Variants in NECAB2 observed in about 807,000 individuals in gnomAD.
NECAB2 encodes N-terminal EF-hand calcium-binding protein 2.
A neutral mutation model predicts 51.9 loss-of-function variants in NECAB2; 68 were observed. The observed-to-expected ratio is 1.31, with a 90% confidence interval of 1.08 to 1.60. The LOEUF is 1.60. Among genes scored for constraint, NECAB2 ranks in the 40% most tolerant of loss-of-function variants. The probability of loss-of-function intolerance (pLI) is 0.00; values close to 1 mark genes in which losing one functional copy is unlikely to be tolerated. For synonymous variants in NECAB2, 329 were observed against 203.5 expected (o/e 1.62, Z -5.25); for missense variants, 854 against 490.3 (o/e 1.74, Z -7.00).
At chr16:83,965,188 C>G (rs9938064), upstream of NECAB2, 44 of 1,613,168 alleles carry the variant, frequency 2.7e-5, no homozygotes, top group African/African-American at 5.2e-4. Flanking sequence ...AGTGGGGGAC[C>G]CCCGATCCCA....
At position 83,998,196 on chromosome 16, in the gene NECAB2, GC is replaced by G; in HGVS notation, c.850-6del. ...GGAGCCCCACACTGACTCCTGCTGT[GC>G]CCGGCAGCACCTGCAGCTGGTCCGG... On this transcript the variant is annotated splice_region_variant and splice_polypyrimidine_tract_variant and intron_variant, in intron 9 of 12. Coordinates refer to ENST00000305202, the MANE Select transcript of NECAB2 (RefSeq NM_019065.3). The G allele has an allele frequency of 6.2e-7, 1 of 1,606,532 alleles. No individual in the cohort carries two copies. The highest frequency in any genetic ancestry group is 8.5e-7 in the Non-Finnish European group (1 of 1,179,698).
chr16:83,986,461 C>T (rs972914051), intron 5 of NECAB2, among the ~76,000 whole-genome samples: 1 of 152,142 alleles, frequency 6.6e-6, no homozygotes, highest in Non-Finnish European at 1.5e-5. Context: ...GGTCACTATC[C>T]CAGGGCAACA....
intron 8 of NECAB2, among the ~76,000 whole-genome samples, chr16:83,996,522 A>G (rs2084701415): frequency 6.6e-6 from 1 of 152,046 alleles, no homozygotes; most frequent in African/African-American, 2.4e-5. Context: ...CTCATGGAGG[A>G]TGGACAGAGA....
Position 83,990,765 on chromosome 16 carries a change from C to T in NECAB2, c.596+135C>T. ...GGCAAGTTGCCACAGCTCTTTGTGC[C>T]TTTGGTGCTCCATTATGTAATATAG... On this transcript the variant is annotated intron_variant, in intron 6 of 12. Coordinates refer to ENST00000305202, the MANE Select transcript of NECAB2 (RefSeq NM_019065.3). The T allele has an allele frequency of 5.3e-6, 6 of 1,136,230 alleles. 1 individual carries two copies. In the South Asian group the frequency reaches 8.1e-5, roughly 15 times the overall value. 70.4% of individuals were successfully genotyped at this position (1,136,230 alleles called of 1,614,324 possible). A position where few individuals can be genotyped will look rare whatever the true frequency, so the allele number is the denominator to read the frequency against.
intron 6 of NECAB2, among the ~76,000 whole-genome samples, chr16:83,991,845 G>A (rs1366234783): frequency 3.0e-4 from 44 of 144,894 alleles, no homozygotes; most frequent in African/African-American, 9.5e-4. Flanking sequence ...TTGTAGAGAC[G>A]GGGTCTCGCC....
intron 5 of NECAB2, among the ~76,000 whole-genome samples, chr16:83,988,902 AT>A (rs1172445504): frequency 6.6e-6 from 1 of 152,148 alleles, no homozygotes; most frequent in African/African-American, 2.4e-5. Flanking sequence ...CTGGGGTTGT[AT>A]CTTTACATGG....
chr16:83,981,484 T>TG (rs1196554405), intron 5 of NECAB2, among the ~76,000 whole-genome samples: 4 of 73,570 alleles, frequency 5.4e-5, no homozygotes, highest in Non-Finnish European at 1.1e-4. Flanking sequence ...TGGGGCGTGG[T>TG]GGGGGGTGGT....
chr16:83,966,836 C>A (rs991910243), upstream of NECAB2, among the ~76,000 whole-genome samples: 10 of 152,196 alleles, frequency 6.6e-5, no homozygotes, highest in African/African-American at 2.2e-4. Flanking sequence ...AGCAAATACT[C>A]CTTTCATGGT....
At position 83,990,502 on chromosome 16, in the gene NECAB2, G is replaced by A; in HGVS notation, c.468G>A (p.Glu156=). Residue 156 remains glutamate (E), a synonymous_variant, in exon 6 of 13, where the codon GAG becomes GAA. Transcript: ENST00000305202. ...TTCTCTTCCTTCCACAGGTATATGA[G>A]GGTGGGAGCAACGTGGACCAGTTTG... ...KAMGYTKKVY[E]GGSNVDQFVT... The A allele has an allele frequency of 6.2e-7, 1 of 1,614,098 alleles. No homozygotes were observed. The highest frequency in any genetic ancestry group is 2.2e-5 in the East Asian group (1 of 44,844).
intron 8 of NECAB2, 145 bp from the exon 9 acceptor site, chr16:83,997,071 A>G (rs970608067): frequency 7.4e-6 from 6 of 807,484 alleles, no homozygotes; most frequent in Non-Finnish European, 1.2e-5. Flanking sequence ...AGTCTCTGCC[A>G]CTTCCTAGCG....
chr16:83,986,108 C>A (rs2084550367), intron 5 of NECAB2, among the ~76,000 whole-genome samples: 1 of 152,114 alleles, frequency 6.6e-6, no homozygotes, highest in Non-Finnish European at 1.5e-5. Flanking sequence ...CCTCTGCTTC[C>A]TGGGTTAAAG....
At position 83,968,525 on chromosome 16, in the gene NECAB2, C is replaced by G. The variant is rs968981580; in HGVS notation, c.-124C>G. On this transcript the variant is annotated 5_prime_UTR_variant, in exon 1 of 13. Coordinates refer to ENST00000305202, the MANE Select transcript of NECAB2 (RefSeq NM_019065.3). ...CGGCCAGTCCCCGCGGTGTCCGCGG[C>G]CGCGGGGGCAGCGGGAGAGAGGGCG... The G allele has an allele frequency of 1.2e-6, 1 of 814,226 alleles. No homozygotes were observed. The allele number at this position is 814,226 out of a possible 1,614,324, so 50.4% of individuals were successfully genotyped here.
chr16:83,982,070 C>G (rs1398569862), intron 5 of NECAB2, among the ~76,000 whole-genome samples: 1 of 152,192 alleles, frequency 6.6e-6, no homozygotes, highest in African/African-American at 2.4e-5. Flanking sequence ...AGAGATTGAG[C>G]CAAGTAAGGC....
chr16:83,974,255 G>A (rs1012342634), intron 2 of NECAB2, among the ~76,000 whole-genome samples: 4 of 152,164 alleles, frequency 2.6e-5, no homozygotes, highest in East Asian at 1.9e-4. Flanking sequence ...TGGCTCAGCC[G>A]CGTACCGGCT....
chr16:83,985,210 G>T (rs2084537318), intron 5 of NECAB2, among the ~76,000 whole-genome samples: 1 of 149,200 alleles, frequency 6.7e-6, no homozygotes. Flanking sequence ...CTACTTGGGA[G>T]GCTGAGGCAG....
In NECAB2 at chr16:83,998,220, C is replaced by G. The variant is rs368505537; in HGVS notation, c.865C>G (p.Arg289Gly). Residue 289 changes from arginine to glycine, a missense_variant, in exon 10 of 13, where the codon CGG becomes GGG. Physicochemically the swap from Arg to Gly is moderately radical, Grantham distance 125 (BLOSUM62 -2). Transcript: ENST00000305202. ...DGTNMHLQLV[R>G]QEMAVCPEQL... ...TGCCCGGCAGCACCTGCAGCTGGTC[C>G]GGCAGGAGATGGCCGTGTGCCCCGA... 2 of 1,610,422 alleles carry G rather than the reference C, an allele frequency of 1.2e-6. No homozygotes were observed. Among genetic ancestry groups the G allele is most frequent in the Admixed American group, 3.3e-5 (2 of 59,996 alleles).
chr16:83,975,114 G>A (rs1313124795), intron 2 of NECAB2, among the ~76,000 whole-genome samples: 1 of 146,348 alleles, frequency 6.8e-6, no homozygotes, highest in Admixed American at 6.7e-5. Context: ...ATGAGAGCAG[G>A]TGTGCAGGGA....
intron 2 of NECAB2, 36 bp downstream of exon 2, chr16:83,972,211 C>T (rs1363581585): frequency 1.2e-6 from 2 of 1,613,212 alleles, no homozygotes; most frequent in African/African-American, 2.7e-5. Context: ...CCGCCCCACT[C>T]CTTCTGTCCT....
intron 11 of NECAB2, among the ~76,000 whole-genome samples, 180 bp downstream of exon 11, chr16:84,000,981 T>G (rs181958953): frequency 0.24 from 35,709 of 151,694 alleles, 9,057 homozygotes; most frequent in African/African-American, 0.64. Context: ...GAGCTCTTGG[T>G]GGGTAGTGAG....
Sources: gnomAD v4.1 joint callset for allele counts (sites outside exome capture counted in the v4.1 genomes callset) on GRCh38, gnomAD v4.1.1 for gene constraint, MANE v1.5 for transcripts, NCBI Gene and HGNC (gene_info 2026-07-23, HGNC 2026-07-21) for gene names.